LUC7L: variants seen among roughly 807,000 people sequenced by gnomAD.
LUC7L encodes the protein LUC7 like.
A neutral mutation model predicts 51.1 loss-of-function variants in LUC7L; 29 were observed. The observed-to-expected ratio is 0.57, with a 90% CI of 0.42 to 0.77. LUC7L has a LOEUF of 0.77. LUC7L is among the 30% of genes least tolerant of loss of function. LUC7L has a pLI of 0.00. For missense variants in LUC7L, 403 were observed against 511.9 expected (o/e 0.79, Z 2.05); for synonymous variants, 181 against 180.7 (o/e 1.00, Z -0.01).
At chr16:228,832 A>T (rs2050192563) in intron 1 of LUC7L, 1 of 1,294,062 alleles carries the variant, frequency 7.7e-7, no homozygotes, top group Non-Finnish European at 1.0e-6. Flanking sequence ...AATGGTACAG[A>T]ACCAGAGCGG....
intron 3 of LUC7L, among the ~76,000 whole-genome samples, chr16:214,373 T>C (rs960692651): frequency 1.3e-5 from 2 of 152,200 alleles, no homozygotes; most frequent in Non-Finnish European, 2.9e-5. Flanking sequence ...CATAAGCAAT[T>C]TGAAATCATT....
At chr16:195,003 C>T (rs973153179) in intron 6 of LUC7L, among the ~76,000 whole-genome samples, 34 of 152,132 alleles carry the variant, frequency 2.2e-4, no homozygotes, top group Admixed American at 2.1e-3. Context: ...GATGAGAGCA[C>T]GCTCCCCACA....
chr16:199,801 C>T (rs2049270296), intron 5 of LUC7L, among the ~76,000 whole-genome samples: 1 of 149,444 alleles, frequency 6.7e-6, no homozygotes, highest in South Asian at 2.1e-4. Flanking sequence ...ACCATCCTGG[C>T]CAACTTTGTG....
chr16:203,167 T>C (rs911945167), intron 5 of LUC7L, among the ~76,000 whole-genome samples: 1 of 151,904 alleles, frequency 6.6e-6, no homozygotes, highest in African/African-American at 2.4e-5. Context: ...TATAATAATG[T>C]TGAAAGACAC....
chr16:199,090 T>C lies in LUC7L; in HGVS notation c.659A>G (p.Gln220Arg). The C allele has an allele frequency of 1.2e-6, 2 of 1,612,392 alleles. No individual in the cohort carries two copies. The highest frequency in any genetic ancestry group is 1.7e-6 in the Non-Finnish European group (2 of 1,178,588). ...FGGKLHLGFI[Q>R]IREKLDQLRK... ...CAACTGATCAAGCTTCTCTCGGATC[T>C]GAATGAACCCCAAGTGTAACTTGCC... The change falls in exon 6 of 10, where the codon CAG (glutamine) becomes CGG (arginine). Residue 220 changes from glutamine to arginine, a missense_variant. Physicochemically the swap from Gln to Arg is conservative, Grantham distance 43 (BLOSUM62 1). This residue lies in a region of LUC7L where 15 missense variants were observed against 45.2 expected (regional missense o/e 0.33). Transcript: ENST00000293872.
At chr16:212,370 CTAAG>C (rs1348261751) in intron 3 of LUC7L, among the ~76,000 whole-genome samples, 2 of 152,194 alleles carry the variant, frequency 1.3e-5, no homozygotes, top group Admixed American at 1.3e-4. Context: ...TACCAAACCA[CTAAG>C]TAAGCAATGG....
At chr16:224,788 G>A (rs1353630901) in intron 2 of LUC7L, among the ~76,000 whole-genome samples, 1 of 151,886 alleles carries the variant, frequency 6.6e-6, no homozygotes, top group African/African-American at 2.4e-5. Context: ...AGCAGAGATA[G>A]CACCATGCAC....
Position 189,950 on chromosome 16 carries a change from AG to A in LUC7L, c.974+17del. ...GCTCACTCCTGGTTGCAGCTACCGA[AG>A]GAGTCAGAGTAGTTACTTGTATTTC... is the stretch of plus-strand genomic sequence containing the variant. On this transcript the variant is annotated intron_variant, in intron 9 of 9. Coordinates refer to ENST00000293872, the MANE Select transcript of LUC7L (RefSeq NM_201412.3). The A allele has an allele frequency of 6.3e-7, 1 of 1,599,564 alleles. No homozygotes were observed. Among genetic ancestry groups the A allele is most frequent in the Non-Finnish European group, 8.6e-7 (1 of 1,169,168 alleles).
At chr16:192,171 A>G (rs1350549039) in intron 7 of LUC7L, among the ~76,000 whole-genome samples, 1 of 152,102 alleles carries the variant, frequency 6.6e-6, no homozygotes, top group Non-Finnish European at 1.5e-5. Flanking sequence ...ACACACTACC[A>G]GCAAATCCCA....
At chr16:226,518 T>C (rs949026264) in intron 2 of LUC7L, among the ~76,000 whole-genome samples, 4 of 152,236 alleles carry the variant, frequency 2.6e-5, no homozygotes, top group Non-Finnish European at 5.9e-5. Flanking sequence ...GGGTTCTATA[T>C]TCATTAGATA....
intron 8 of LUC7L, 77 bp from the exon 9 acceptor site, chr16:190,212 T>G: frequency 7.9e-7 from 1 of 1,262,126 alleles, no homozygotes; most frequent in East Asian, 2.4e-5. Flanking sequence ...CAGCAGATTC[T>G]GCTTGCTGCT....
At position 229,427 on chromosome 16, in the gene LUC7L, G is replaced by T. The variant is rs1297273863; in HGVS notation, c.-88C>A. The stretch of plus-strand genomic sequence containing the variant: ...GCGTCGACAAACGATGGTCGCGTCG[G>T]CCTCGAGCCCACTCGGCTCTTTCCC... On this transcript the variant is annotated 5_prime_UTR_variant, in exon 1 of 10. Transcript: ENST00000293872. 7.4e-6 allele frequency: 9 copies of T among 1,222,856 alleles called. No homozygotes were observed. Among genetic ancestry groups the T allele is most frequent in the Non-Finnish European group, 9.8e-6 (9 of 916,782 alleles). 75.8% of individuals were successfully genotyped at this position (1,222,856 alleles called of 1,614,324 possible). A position where few individuals can be genotyped will look rare whatever the true frequency, so the allele number is the denominator to read the frequency against.
chr16:205,104 C>G (rs892045232), intron 5 of LUC7L, among the ~76,000 whole-genome samples: 10 of 152,220 alleles, frequency 6.6e-5, no homozygotes, highest in African/African-American at 2.4e-4. Flanking sequence ...TGATTTAATA[C>G]TGCACCTCTG....
At chr16:225,804 AAAAAAGAAAAG>A (rs2050116470) in intron 2 of LUC7L, among the ~76,000 whole-genome samples, 1 of 148,500 alleles carries the variant, frequency 6.7e-6, no homozygotes. Context: ...GTCTCAAAAA[AAAAAAGAAAAG>A]AAAAGAAAAG....
chr16:217,025 T>C (rs1198818668), intron 3 of LUC7L, among the ~76,000 whole-genome samples: 3 of 152,076 alleles, frequency 2.0e-5, no homozygotes, highest in Non-Finnish European at 4.4e-5. Context: ...TAGAATTTTT[T>C]TTTTTGAGAC....
At chr16:225,513 T>C (rs1437352606) in intron 2 of LUC7L, among the ~76,000 whole-genome samples, 3 of 116,662 alleles carry the variant, frequency 2.6e-5, no homozygotes, top group African/African-American at 9.9e-5. Flanking sequence ...TGAGACAGAG[T>C]TTTGCTCTTG....
chr16:224,432 T>C (rs1394819291), intron 2 of LUC7L, among the ~76,000 whole-genome samples: 1 of 151,182 alleles, frequency 6.6e-6, no homozygotes, highest in Non-Finnish European at 1.5e-5. Flanking sequence ...GGCAGGAGAA[T>C]TGCTTGAGCC....
chr16:211,686 A>G (rs2049644413), intron 3 of LUC7L, among the ~76,000 whole-genome samples: 1 of 151,504 alleles, frequency 6.6e-6, no homozygotes. Context: ...AAGTCACCCA[A>G]TCTCTCTCTA....
intron 6 of LUC7L, among the ~76,000 whole-genome samples, chr16:196,700 G>C (rs1290299138): frequency 6.6e-6 from 1 of 151,716 alleles, no homozygotes; most frequent in Non-Finnish European, 1.5e-5. Context: ...GCTAATTTTT[G>C]TGTTTTCAGT....
Sources: gnomAD v4.1 joint callset for allele counts (sites outside exome capture counted in the v4.1 genomes callset) on GRCh38, gnomAD v4.1.1 for gene constraint, gnomAD v4.1.1 regional missense constraint, MANE v1.5 for transcripts, NCBI Gene and HGNC (gene_info 2026-07-23, HGNC 2026-07-21) for gene names.